Variants in RAI14 observed in about 807,000 individuals in gnomAD.
RAI14 encodes retinoic acid induced 14, also known as ankycorbin.
Under a neutral mutation model 115.4 loss-of-function variants are expected in RAI14, and 45 were observed. That is an observed-to-expected ratio of 0.39 (90% CI 0.31 to 0.50). RAI14 has a LOEUF of 0.50. Among genes scored for constraint, RAI14 ranks in the 20% least tolerant of loss-of-function variants. The pLI is 0.85. For synonymous variants in RAI14, 371 were observed against 415.4 expected, an observed-to-expected ratio of 0.89 and a Z score of 1.30; for missense variants, 939 against 1,131.2, an observed-to-expected ratio of 0.83 and a Z score of 2.44.
At chr5:34,811,653 A>T (rs922332938) in intron 8 of RAI14, 114 bp from the exon 9 acceptor site, 4 of 894,396 alleles carry the variant, frequency 4.5e-6, no homozygotes, top group Non-Finnish European at 6.6e-6. Flanking sequence ...ATTAAGTGTA[A>T]TAAAGGTTTA....
intron 2 of RAI14, among the ~76,000 whole-genome samples, chr5:34,731,486 G>A (rs183490906): frequency 1.1e-4 from 16 of 152,148 alleles, no homozygotes; most frequent in Admixed American, 5.9e-4. Context: ...ACTTTAGAAC[G>A]GGCAAGAGAA....
chr5:34,659,367 A>G (rs1002935487), intron 1 of RAI14, among the ~76,000 whole-genome samples: 2 of 152,184 alleles, frequency 1.3e-5, no homozygotes, highest in African/African-American at 4.8e-5. Context: ...TCCTGGGCTC[A>G]AGCAGTCCTC....
chr5:34,794,336 T>C (rs1753262860), intron 3 of RAI14, among the ~76,000 whole-genome samples: 1 of 152,096 alleles, frequency 6.6e-6, no homozygotes, highest in African/African-American at 2.4e-5. Flanking sequence ...GGCAGGAGAA[T>C]CACTTGAACC....
intron 4 of RAI14, among the ~76,000 whole-genome samples, chr5:34,802,784 G>A (rs933795357): frequency 6.6e-6 from 1 of 152,164 alleles, no homozygotes; most frequent in African/African-American, 2.4e-5. Context: ...CAGGGAGTGG[G>A]GGTAAAAGAA....
At chr5:34,806,704 A>C (rs1754946385) in intron 5 of RAI14, among the ~76,000 whole-genome samples, 1 of 152,018 alleles carries the variant, frequency 6.6e-6, no homozygotes, top group South Asian at 2.1e-4. Context: ...GTTGATGGAG[A>C]AGGCAGTCAG....
At position 34,831,896 on chromosome 5, in the gene RAI14, A is replaced by G. The variant is rs1758039822; in HGVS notation, c.*1131A>G. The stretch of plus-strand genomic sequence containing the variant: ...CTCCTTTTACCCGTTGAATGTTTTG[A>G]ATGCCCTGACTCTACCAGCGCCCAT... On this transcript the variant is annotated 3_prime_UTR_variant, in exon 18 of 18. Transcript: ENST00000265109. The G allele has an allele frequency of 6.6e-6, 1 of 152,134 alleles. No individual in the cohort carries two copies. Among genetic ancestry groups the G allele is most frequent in the Non-Finnish European group, 1.5e-5 (1 of 68,010 alleles). 9.4% of individuals were successfully genotyped at this position (152,134 alleles called of 1,614,324 possible). A position where few individuals can be genotyped will look rare whatever the true frequency, so the allele number is the denominator to read the frequency against.
intron 1 of RAI14, among the ~76,000 whole-genome samples, chr5:34,669,188 TCA>T (rs1168843456): frequency 2.0e-5 from 3 of 152,206 alleles, no homozygotes; most frequent in Non-Finnish European, 2.9e-5. Flanking sequence ...ATACAACTTT[TCA>T]CAGTGTTGGG....
At chr5:34,740,919 G>A (rs1745438777) in intron 2 of RAI14, among the ~76,000 whole-genome samples, 1 of 152,138 alleles carries the variant, frequency 6.6e-6, no homozygotes, top group Non-Finnish European at 1.5e-5. Context: ...TAAATCAGTG[G>A]TGTCTCTTGC....
intron 3 of RAI14, among the ~76,000 whole-genome samples, chr5:34,794,319 AGGCT>A (rs113155328): frequency 0.073 from 11,172 of 152,166 alleles, 554 homozygotes; most frequent in African/African-American, 0.15. Context: ...GCTATTCAGT[AGGCT>A]GAGGCAGGAG....
intron 3 of RAI14, among the ~76,000 whole-genome samples, chr5:34,763,183 G>A (rs1168993888): frequency 6.6e-6 from 1 of 152,112 alleles, no homozygotes; most frequent in African/African-American, 2.4e-5. Flanking sequence ...TGTTTTCTCA[G>A]TATAGGGATG....
chr5:34,779,215 A>C lies in RAI14; in HGVS notation c.168-16724A>C, dbSNP rs181510648. Among the ~76,000 whole-genome samples the C allele has an allele frequency of 1.9e-3, 296 of 152,326 alleles. 5 individuals are homozygous for C. The highest frequency in any genetic ancestry group is 1.2e-3 in the Non-Finnish European group (81 of 68,032). ...TCTCAATAAATTAGGTATTGATGGG[A>C]TGTATCTCAAAATAATAAGAGCTAT... On this transcript the variant is annotated intron_variant, in intron 3 of 17. Transcript: ENST00000265109.
chr5:34,741,292 CAG>C (rs551108109), intron 2 of RAI14, among the ~76,000 whole-genome samples: 14 of 152,172 alleles, frequency 9.2e-5, no homozygotes, highest in Non-Finnish European at 1.8e-4. Context: ...ATGGAGAAAA[CAG>C]AGGCATGCGA....
rs556165703 is a variant in RAI14, at chr5:34,696,024, T to C, written c.36+9069T>C. ...GTATAGAGACAGTGTCTCACTATGT[T>C]TCCCAGGCTGGTTTTGAACTCCTGA... is the stretch of plus-strand genomic sequence containing the variant. On this transcript the variant is annotated intron_variant, in intron 2 of 17. Transcript: ENST00000265109. 1.3e-5 allele frequency among the ~76,000 whole-genome samples: 2 copies of C among 152,308 alleles called. 1 individual carries two copies. The highest frequency in any genetic ancestry group is 4.1e-4 in the South Asian group (2 of 4,828).
At chr5:34,688,296 A>C in intron 2 of RAI14, 1 of 1,480,050 alleles carries the variant, frequency 6.8e-7, no homozygotes, top group Non-Finnish European at 9.2e-7. Context: ...GGGGTTTCTA[A>C]ATTTTGTGAC....
At chr5:34,776,033 A>G (rs1750792420) in intron 3 of RAI14, among the ~76,000 whole-genome samples, 1 of 152,214 alleles carries the variant, frequency 6.6e-6, no homozygotes, top group Non-Finnish European at 1.5e-5. Context: ...GTCCATCATC[A>G]GATGAATGGA....
intron 3 of RAI14, among the ~76,000 whole-genome samples, chr5:34,766,575 A>G (rs932611779): frequency 5.3e-5 from 8 of 152,152 alleles, no homozygotes; most frequent in South Asian, 2.1e-4. Flanking sequence ...CCCCCATTGT[A>G]TCTAGGAAGT....
chr5:34,751,503 A>G (rs1747017298), intron 2 of RAI14, among the ~76,000 whole-genome samples: 1 of 152,106 alleles, frequency 6.6e-6, no homozygotes, highest in Non-Finnish European at 1.5e-5. Context: ...TCCTGTTTCT[A>G]TCTTTATGTG....
rs770791538 is a variant in RAI14, at chr5:34,824,195, C to A, written c.2353C>A (p.Pro785Thr). 4 of 1,614,182 alleles carry A rather than the reference C, an allele frequency of 2.5e-6. No individual in the cohort carries two copies. The South Asian group carries it at 4.4e-5, about 18-fold the overall frequency. Reference sequence around the variant, plus strand: ...AGCTGCTATGACTGATGCAATGGTACCTCGGTCTTCCTATGAAAAACTCCA... The same window carrying A: ...AGCTGCTATGACTGATGCAATGGTAACTCGGTCTTCCTATGAAAAACTCCA... ...EKAAMTDAMV[P>T]RSSYEKLQSS... The change falls in exon 15 of 18, where the codon CCT becomes ACT. Residue 785 changes from proline to threonine, a missense_variant. Coordinates refer to ENST00000265109, the MANE Select transcript of RAI14 (RefSeq NM_015577.3).
chr5:34,829,702 C>T (rs1757827646), intron 16 of RAI14, 30 bp from the exon 17 acceptor site: 1 of 1,573,888 alleles, frequency 6.4e-7, no homozygotes, highest in Non-Finnish European at 8.7e-7. Flanking sequence ...CTCTTAAGCT[C>T]ATTAATAATG....
Sources: gnomAD v4.1 joint callset for allele counts (sites outside exome capture counted in the v4.1 genomes callset) on GRCh38, gnomAD v4.1.1 for gene constraint, MANE v1.5 for transcripts, NCBI Gene and HGNC (gene_info 2026-07-23, HGNC 2026-07-21) for gene names.